Variants in KAT6B observed in about 807,000 individuals in gnomAD.
KAT6B encodes the protein lysine acetyltransferase 6B.
Under a neutral mutation model 187.5 loss-of-function variants are expected in KAT6B, and 10 were observed. The observed-to-expected ratio is 0.05, with a 90% CI of 0.03 to 0.09. KAT6B has a LOEUF of 0.09. Ranked by LOEUF, KAT6B falls within the 10% of genes least tolerant of loss-of-function variation. The probability of loss-of-function intolerance (pLI) is 1.00; values close to 1 mark genes in which losing one functional copy is unlikely to be tolerated. For missense variants in KAT6B, 1,952 were observed against 2,558.9 expected (o/e 0.76, Z 5.12); for synonymous variants, 861 against 926.8 (o/e 0.93, Z 1.29).
intron 13 of KAT6B, among the ~76,000 whole-genome samples, chr10:75,014,583 C>G (rs531052512): frequency 2.6e-5 from 4 of 152,254 alleles, no homozygotes; most frequent in African/African-American, 9.6e-5. Context: ...CAAAAGCTCT[C>G]TGAGTGCTGA....
intron 17 of KAT6B, among the ~76,000 whole-genome samples, chr10:75,026,967 C>G (rs1845897987): frequency 2.0e-5 from 3 of 152,110 alleles, no homozygotes; most frequent in African/African-American, 7.2e-5. Flanking sequence ...GAAACCCCAT[C>G]TCTACCAAAA....
intron 16 of KAT6B, among the ~76,000 whole-genome samples, chr10:75,022,717 G>A (rs924474036): frequency 6.6e-6 from 1 of 152,200 alleles, no homozygotes; most frequent in East Asian, 1.9e-4. Flanking sequence ...GATCACCTGA[G>A]GTCAGGAGTT....
At position 74,976,231 on chromosome 10, in the gene KAT6B, C is replaced by T; in HGVS notation, c.1894C>T (p.Leu632=). ...AACTTTCCTTAAAAAGCACAGGATG[C>T]TAGGCAGATTAAAATATAAAGTGAC... ...RTTFLKKHRM[L]GRLKYKVTPQ... is the part of the protein sequence containing the mutation. The change falls in exon 8 of 18, where the codon CTA becomes TTA. Residue 632 remains leucine (L), a synonymous_variant. Coordinates refer to ENST00000287239, the MANE Select transcript of KAT6B (RefSeq NM_012330.4). 1 of 1,614,128 alleles carries T rather than the reference C, an allele frequency of 6.2e-7. No individual in the cohort carries two copies. Among genetic ancestry groups the T allele is most frequent in the Non-Finnish European group, 8.5e-7 (1 of 1,180,012 alleles).
upstream of KAT6B, among the ~76,000 whole-genome samples, chr10:74,825,855 G>C (rs1840154648): frequency 6.6e-6 from 1 of 151,850 alleles, no homozygotes; most frequent in Non-Finnish European, 1.5e-5. This position sits in a 1 kb window ranked among gnomAD's most constrained non-coding sequence, Gnocchi z 5.0. Context: ...GGGCTGGCAG[G>C]GTAGGGGTGT....
At chr10:74,987,216 A>T (rs962994532) in intron 12 of KAT6B, among the ~76,000 whole-genome samples, 1 of 152,208 alleles carries the variant, frequency 6.6e-6, no homozygotes, top group Admixed American at 6.5e-5. Flanking sequence ...TGGGCAGATC[A>T]TGAGGTCAAG....
At chr10:75,017,259 AT>A (rs79733760) in intron 13 of KAT6B, among the ~76,000 whole-genome samples, 5 of 288 alleles carry the variant, frequency 0.017, no homozygotes, top group Non-Finnish European at 0.031. Flanking sequence ...CATCTCTATG[AT>A]GTACTCAATA....
chr10:74,995,947 G>A (rs547373199), intron 13 of KAT6B, among the ~76,000 whole-genome samples: 37 of 152,326 alleles, frequency 2.4e-4, no homozygotes, highest in African/African-American at 8.7e-4. Context: ...TGGCTGATGG[G>A]CAGGATACAA....
chr10:74,903,668 C>G (rs2132802482), intron 3 of KAT6B, among the ~76,000 whole-genome samples: 1 of 152,220 alleles, frequency 6.6e-6, no homozygotes, highest in Admixed American at 6.5e-5. Flanking sequence ...TCTGTGAGAC[C>G]CTAAGCAGAG....
intron 17 of KAT6B, chr10:75,025,567 G>T: frequency 4.9e-5 from 14 of 283,334 alleles, no homozygotes; most frequent in South Asian, 1.5e-4. Flanking sequence ...ATTCTAATAT[G>T]TACTTTTTTT....
chr10:74,872,448 T>C (rs1245441230), intron 3 of KAT6B, among the ~76,000 whole-genome samples: 1 of 152,166 alleles, frequency 6.6e-6, no homozygotes, highest in Admixed American at 6.5e-5. Flanking sequence ...CGATCTCGGC[T>C]CAGCGCAACC....
At position 74,977,617 on chromosome 10, in the gene KAT6B, C is replaced by T. The variant is rs571342753; in HGVS notation, c.2115+180C>T. ...AAAAGCAATGACTTAGTAGAATTGT[C>T]GCCACTCTTAAAAGTAGGTATGGAC... On this transcript the variant is annotated intron_variant, in intron 9 of 17. Coordinates refer to ENST00000287239, the MANE Select transcript of KAT6B (RefSeq NM_012330.4). Among the ~76,000 whole-genome samples, 162 of 152,196 alleles carry T rather than the reference C, an allele frequency of 1.1e-3. 1 individual carries two copies. Among genetic ancestry groups the T allele is most frequent in the South Asian group, 3.3e-3 (16 of 4,818 alleles).
At chr10:74,971,975 ATTC>A in intron 6 of KAT6B, among the ~76,000 whole-genome samples, 1 of 152,204 alleles carries the variant, frequency 6.6e-6, no homozygotes, top group South Asian at 2.1e-4. Context: ...TGGTCTTTCC[ATTC>A]TTATCCATTG....
chr10:74,981,333 TCCTTCC>T (rs986022748), intron 10 of KAT6B, among the ~76,000 whole-genome samples: 2 of 150,102 alleles, frequency 1.3e-5, no homozygotes, highest in African/African-American at 2.5e-5. Flanking sequence ...CTTCCTTCCT[TCCTTCC>T]TTTCTTCCTT....
chr10:74,831,273 T>C (rs1407571436), intron 1 of KAT6B, among the ~76,000 whole-genome samples: 1 of 152,202 alleles, frequency 6.6e-6, no homozygotes, highest in Non-Finnish European at 1.5e-5. Flanking sequence ...GCTTGCCTTT[T>C]CACTCTCTTT....
chr10:74,959,838 C>T (rs978630218), intron 3 of KAT6B, 132 bp from the exon 4 acceptor site: 17 of 683,084 alleles, frequency 2.5e-5, no homozygotes, highest in Middle Eastern at 3.8e-4. Flanking sequence ...TATTTAAATA[C>T]GTTATTTAGC....
At chr10:74,888,135 C>T (rs1845415418) in intron 3 of KAT6B, among the ~76,000 whole-genome samples, 1 of 152,150 alleles carries the variant, frequency 6.6e-6, no homozygotes, top group African/African-American at 2.4e-5. Context: ...ATCTCATATC[C>T]CTTCAAGCAC....
rs370288865 is a variant in KAT6B, at chr10:74,960,527, G to A, written c.730+449G>A. Among the ~76,000 whole-genome samples, 4 of 150,672 alleles carry A rather than the reference G, an allele frequency of 2.7e-5. No individual in the cohort carries two copies. The South Asian group carries it at 8.5e-4, about 32-fold the overall frequency. ...TCCAAAGTCTTGTTTTAAAATTCAT[G>A]ACTATTTCTCTAGTTATAGTAATCT... On this transcript the variant is annotated intron_variant, in intron 4 of 17. Transcript: ENST00000287239.
intron 3 of KAT6B, among the ~76,000 whole-genome samples, chr10:74,955,963 A>G (rs1369319462): frequency 6.6e-6 from 1 of 152,038 alleles, no homozygotes; most frequent in Non-Finnish European, 1.5e-5. Context: ...TTGCTCTGCC[A>G]CCCAGGCTGG....
At chr10:74,912,820 G>C (rs1246275362) in intron 3 of KAT6B, among the ~76,000 whole-genome samples, 1 of 152,188 alleles carries the variant, frequency 6.6e-6, no homozygotes, top group African/African-American at 2.4e-5. Flanking sequence ...TAGATGTAGT[G>C]TTGTACCTGG....
Sources: allele counts gnomAD v4.1 joint callset (sites outside exome capture counted in the v4.1 genomes callset), GRCh38; gene constraint gnomAD v4.1.1; non-coding constraint Gnocchi (gnomAD v3.1); transcripts MANE v1.5; gene names NCBI Gene and HGNC (gene_info 2026-07-23, HGNC 2026-07-21).